Variants in BTRC observed in about 807,000 individuals in gnomAD.
BTRC encodes F-box/WD repeat-containing protein 1A.
In BTRC, 42 loss-of-function variants were observed where a neutral mutation model predicts 85.5. The ratio of observed to expected loss-of-function variants is 0.49; its 90% CI spans 0.38 to 0.64. The LOEUF (loss-of-function observed/expected upper bound fraction) is 0.64, where lower values mean the gene tolerates loss of function less well. Ranked by LOEUF, BTRC falls within the 30% of genes least tolerant of loss-of-function variation. The pLI, the probability that BTRC is intolerant of heterozygous loss-of-function variation, is 0.00. For synonymous variants in BTRC, 255 were observed against 263.3 expected (o/e 0.97, Z 0.30); for missense variants, 594 against 743.5 (o/e 0.80, Z 2.34).
At chr10:101,525,272 C>T (rs1037944677) in intron 5 of BTRC, among the ~76,000 whole-genome samples, 4 of 152,160 alleles carry the variant, frequency 2.6e-5, no homozygotes, top group African/African-American at 9.7e-5. Flanking sequence ...TTCCTCTGCA[C>T]CTCCTACAAA....
intron 2 of BTRC, among the ~76,000 whole-genome samples, chr10:101,435,655 A>G (rs1345181253): frequency 1.3e-5 from 2 of 152,154 alleles, no homozygotes; most frequent in African/African-American, 2.4e-5. Context: ...TACTATAAAC[A>G]GTTTTGTATA....
intron 4 of BTRC, among the ~76,000 whole-genome samples, chr10:101,517,940 T>C (rs2062045524): frequency 1.4e-5 from 2 of 139,326 alleles, no homozygotes; most frequent in Admixed American, 7.6e-5. Context: ...TGAGACGGAG[T>C]CTCGCTCTGT....
At chr10:101,390,818 T>C (rs745962327) in intron 1 of BTRC, among the ~76,000 whole-genome samples, 3 of 152,174 alleles carry the variant, frequency 2.0e-5, no homozygotes, top group Non-Finnish European at 4.4e-5. Context: ...GAATGTACTG[T>C]CCAGCACTCT....
intron 4 of BTRC, among the ~76,000 whole-genome samples, chr10:101,508,913 TAA>T (rs59998718): frequency 0.02 from 2,057 of 101,930 alleles, 42 homozygotes; most frequent in African/African-American, 0.058. Context: ...GACTCCATCT[TAA>T]AAAAAAAAAA....
chr10:101,384,235 A>G (rs1254407137), intron 1 of BTRC, among the ~76,000 whole-genome samples: 1 of 152,262 alleles, frequency 6.6e-6, no homozygotes, highest in Non-Finnish European at 1.5e-5. Context: ...TCACTTTTAC[A>G]GAAGTTGGCC....
chr10:101,423,937 A>G (rs139542697), intron 1 of BTRC, among the ~76,000 whole-genome samples: 2 of 152,264 alleles, frequency 1.3e-5, no homozygotes, highest in East Asian at 3.9e-4. Flanking sequence ...AGCTTTTAGA[A>G]TCCTTATTTT....
intron 1 of BTRC, among the ~76,000 whole-genome samples, chr10:101,388,730 A>G (rs966065141): frequency 3.9e-5 from 6 of 152,086 alleles, no homozygotes; most frequent in African/African-American, 9.7e-5. Flanking sequence ...GCCTCAAGCA[A>G]TCTGCCCACC....
intron 4 of BTRC, among the ~76,000 whole-genome samples, chr10:101,499,639 G>T (rs1168514878): frequency 6.6e-6 from 1 of 151,396 alleles, no homozygotes; most frequent in African/African-American, 2.4e-5. Context: ...TCTTGATTCT[G>T]TCTTTGTCAC....
At chr10:101,356,856 G>A (rs1274563147) in intron 1 of BTRC, among the ~76,000 whole-genome samples, 4 of 152,206 alleles carry the variant, frequency 2.6e-5, no homozygotes, top group Admixed American at 2.0e-4. Context: ...GATAGGCCGG[G>A]TGCGGTGGCT....
At chr10:101,424,198 C>T (rs1280276075) in intron 1 of BTRC, among the ~76,000 whole-genome samples, 2 of 152,086 alleles carry the variant, frequency 1.3e-5, no homozygotes, top group Non-Finnish European at 2.9e-5. Flanking sequence ...CATGGCATTG[C>T]ACTCCAACCT....
intron 1 of BTRC, among the ~76,000 whole-genome samples, chr10:101,358,496 T>G (rs563742519): frequency 1.3e-5 from 2 of 152,350 alleles, no homozygotes; most frequent in East Asian, 3.9e-4. Context: ...AATTTTAGAA[T>G]GTATTGTTTT....
chr10:101,418,351 G>GAGCAA (rs1162433410), intron 1 of BTRC, among the ~76,000 whole-genome samples: 4 of 152,052 alleles, frequency 2.6e-5, no homozygotes, highest in African/African-American at 9.7e-5. Flanking sequence ...CTGGGTGACA[G>GAGCAA]AGCAAGACTC....
chr10:101,435,776 A>G (rs190617358), intron 2 of BTRC, among the ~76,000 whole-genome samples: 45 of 152,276 alleles, frequency 3.0e-4, no homozygotes, highest in Non-Finnish European at 5.3e-4. Flanking sequence ...CAGTGAAGCA[A>G]TTCTTCAAAG....
chr10:101,453,377 C>G (rs574541400), intron 2 of BTRC: 2 of 152,088 alleles, frequency 1.3e-5, no homozygotes, highest in African/African-American at 2.4e-5. Flanking sequence ...TAGAATTATC[C>G]CAGTTACAGA....
intron 13 of BTRC, among the ~76,000 whole-genome samples, chr10:101,547,328 CTTTTTTTTTTTTTTT>C (rs71016332): frequency 2.5e-5 from 2 of 79,632 alleles, no homozygotes; most frequent in Admixed American, 1.6e-4. Context: ...TATGGTTTTT[CTTTTTTTTTTTTTTT>C]TTTTTTTTTT....
intron 1 of BTRC, among the ~76,000 whole-genome samples, chr10:101,421,290 CT>C (rs1445388695): frequency 6.6e-6 from 1 of 152,058 alleles, no homozygotes; most frequent in Non-Finnish European, 1.5e-5. Flanking sequence ...TCCTGTGCCC[CT>C]AAACCATTTT....
At chr10:101,535,605 G>A in intron 11 of BTRC, 133 bp downstream of exon 11, 1 of 571,070 alleles carries the variant, frequency 1.8e-6, no homozygotes, top group South Asian at 4.2e-5. Context: ...GCTTCTTACA[G>A]GTCAGAAGTT....
At chr10:101,476,458 A>G (rs188003368) in intron 3 of BTRC, among the ~76,000 whole-genome samples, 2 of 152,160 alleles carry the variant, frequency 1.3e-5, no homozygotes, top group East Asian at 3.9e-4. Flanking sequence ...TATATAGGAA[A>G]TCTTTACTTT....
chr10:101,364,290 G>T (rs1368458467), intron 1 of BTRC, among the ~76,000 whole-genome samples: 1 of 151,866 alleles, frequency 6.6e-6, no homozygotes, highest in Admixed American at 6.6e-5. Context: ...ATGTTATGTA[G>T]AAAAAAAGCA....
Sources: gnomAD v4.1 joint callset for allele counts (sites outside exome capture counted in the v4.1 genomes callset) on GRCh38, gnomAD v4.1.1 for gene constraint, MANE v1.5 for transcripts, NCBI Gene and HGNC (gene_info 2026-07-23, HGNC 2026-07-21) for gene names.